CNTN1: variants seen among roughly 807,000 people sequenced by gnomAD.
The protein encoded by CNTN1 is contactin 1, also known as contactin-1.
CNTN1 carries 38 observed loss-of-function variants against 126.4 expected under a neutral mutation model. That is an observed-to-expected ratio of 0.30 (90% CI 0.23 to 0.39). CNTN1 has a LOEUF of 0.39. Ranked by LOEUF, CNTN1 falls within the 10% of genes least tolerant of loss-of-function variation. The pLI is 1.00. For synonymous variants in CNTN1, 413 were observed against 422.6 expected (o/e 0.98, Z 0.28); for missense variants, 1,009 against 1,248.4 (o/e 0.81, Z 2.89).
At chr12:40,853,942 A>C (rs1217273933) in intron 1 of CNTN1, among the ~76,000 whole-genome samples, 3 of 150,926 alleles carry the variant, frequency 2.0e-5, no homozygotes, top group African/African-American at 7.3e-5. Flanking sequence ...CCTGCCTCGG[A>C]ATGAAGCTTC....
chr12:40,919,324 G>A (rs772700489), intron 4 of CNTN1, among the ~76,000 whole-genome samples: 2 of 151,956 alleles, frequency 1.3e-5, no homozygotes, highest in African/African-American at 2.4e-5. Flanking sequence ...ATTTTTCTGG[G>A]TTACATATGT....
At chr12:40,753,011 G>GT (rs1343868828) in intron 1 of CNTN1, among the ~76,000 whole-genome samples, 1 of 152,138 alleles carries the variant, frequency 6.6e-6, no homozygotes, top group African/African-American at 2.4e-5. Flanking sequence ...GCCTTTGGTG[G>GT]TTTTCATAAT....
At chr12:40,731,123 G>A (rs1942489387) in intron 1 of CNTN1, among the ~76,000 whole-genome samples, 1 of 151,804 alleles carries the variant, frequency 6.6e-6, no homozygotes, top group Admixed American at 6.6e-5. Context: ...GATAAAAATG[G>A]GAAATGCCAT....
chr12:40,920,896 C>T (rs1455140993), intron 4 of CNTN1, among the ~76,000 whole-genome samples: 1 of 152,146 alleles, frequency 6.6e-6, no homozygotes, highest in East Asian at 1.9e-4. Context: ...TATGATGTCA[C>T]AAGCACAATC....
intron 23 of CNTN1, among the ~76,000 whole-genome samples, chr12:41,058,398 C>G (rs1949870979): frequency 1.3e-5 from 2 of 151,976 alleles, no homozygotes; most frequent in African/African-American, 4.8e-5. Context: ...ATAAAAGAAG[C>G]CTGGCAATAC....
intron 1 of CNTN1, among the ~76,000 whole-genome samples, chr12:40,825,053 C>T (rs144808408): frequency 1.3e-5 from 2 of 152,110 alleles, no homozygotes; most frequent in Non-Finnish European, 2.9e-5. Flanking sequence ...TTGGAGGCAA[C>T]AACTGACTGA....
At chr12:40,942,414 G>T (rs1946292099) in intron 12 of CNTN1, among the ~76,000 whole-genome samples, 1 of 152,082 alleles carries the variant, frequency 6.6e-6, no homozygotes, top group Admixed American at 6.6e-5. Context: ...AAATGACTTG[G>T]ACTGCACTGC....
intron 14 of CNTN1, among the ~76,000 whole-genome samples, chr12:40,947,828 C>T (rs9919773): frequency 0.68 from 96,469 of 142,574 alleles, 33,263 homozygotes; most frequent in African/African-American, 0.78. Flanking sequence ...CACACACACA[C>T]ATATGTATTA....
intron 23 of CNTN1, among the ~76,000 whole-genome samples, chr12:41,045,414 G>GAC (rs1233029323): frequency 1.3e-5 from 2 of 152,074 alleles, no homozygotes; most frequent in Non-Finnish European, 2.9e-5. Flanking sequence ...CTCTCCTGAG[G>GAC]TTTGACACTT....
chr12:40,871,523 C>G (rs1031519671), intron 1 of CNTN1, among the ~76,000 whole-genome samples: 42 of 152,178 alleles, frequency 2.8e-4, no homozygotes, highest in African/African-American at 9.9e-4. Context: ...AAACATCTTG[C>G]TAATAGATTG....
At chr12:41,007,049 T>C (rs1431046089) in intron 17 of CNTN1, among the ~76,000 whole-genome samples, 5 of 58,540 alleles carry the variant, frequency 8.5e-5, no homozygotes, top group African/African-American at 5.9e-4. Context: ...TGTGTGGTTT[T>C]TTTTTTTTTT....
At chr12:40,706,079 C>A (rs2121135978) in intron 1 of CNTN1, among the ~76,000 whole-genome samples, 1 of 147,350 alleles carries the variant, frequency 6.8e-6, no homozygotes, top group South Asian at 2.2e-4. Flanking sequence ...GAGATCCAAA[C>A]TATATCATTT....
rs533743230 is a variant in CNTN1 at position 40,941,835 on chromosome 12, G to A, written c.1380-1762G>A. 9.9e-5 allele frequency among the ~76,000 whole-genome samples: 15 copies of A among 151,992 alleles called. No individual in the cohort carries two copies. The East Asian group carries it at 2.7e-3, about 27-fold the overall frequency. On this transcript the variant is annotated intron_variant, in intron 12 of 23. Transcript: ENST00000551295. ...TCTATATCATAGTATCTGGAAATAAGGATAAGATCTTGAGAGTTTAGTCTA... is the reference window on the plus strand; with the variant it reads ...TCTATATCATAGTATCTGGAAATAAAGATAAGATCTTGAGAGTTTAGTCTA...
rs191355189 is a variant in CNTN1 at position 40,840,768 on chromosome 12, C to T, written c.-76-67589C>T. ...AATTAAGATGAAAATAAAAAGGTTT[C>T]GAAACAAATGAAAATAAAGACAGAG... is the stretch of plus-strand genomic sequence containing the variant. On this transcript the variant is annotated intron_variant, in intron 1 of 23. Coordinates refer to ENST00000551295, the MANE Select transcript of CNTN1 (RefSeq NM_001843.4). Among the ~76,000 whole-genome samples the T allele has an allele frequency of 2.4e-4, 37 of 151,444 alleles. 1 individual carries two copies. The highest frequency in any genetic ancestry group is 1.7e-3 in the East Asian group (9 of 5,156).
chr12:40,856,859 G>A (rs1401425601), intron 1 of CNTN1, among the ~76,000 whole-genome samples: 1 of 152,036 alleles, frequency 6.6e-6, no homozygotes, highest in East Asian at 1.9e-4. Context: ...AACCCCTGCA[G>A]ATCAAAGCAA....
At chr12:41,024,570 C>T (rs191784311) in intron 20 of CNTN1, among the ~76,000 whole-genome samples, 154 of 152,064 alleles carry the variant, frequency 1.0e-3, no homozygotes, top group Non-Finnish European at 1.1e-3. Flanking sequence ...TACAGTTTAT[C>T]CAGTTATTAG....
chr12:40,858,990 G>C (rs536295158), intron 1 of CNTN1, among the ~76,000 whole-genome samples: 48 of 152,118 alleles, frequency 3.2e-4, no homozygotes, highest in African/African-American at 1.0e-3. Context: ...GGTGGGGTTG[G>C]GGGAGGGAGA....
intron 1 of CNTN1, among the ~76,000 whole-genome samples, chr12:40,902,239 ACT>A (rs1320954679): frequency 1.3e-5 from 2 of 152,108 alleles, no homozygotes; most frequent in Non-Finnish European, 2.9e-5. Context: ...TCACAATAAC[ACT>A]CTTAGTAGGA....
At chr12:40,748,530 A>G (rs1938272737) in intron 1 of CNTN1, among the ~76,000 whole-genome samples, 1 of 152,148 alleles carries the variant, frequency 6.6e-6, no homozygotes, top group Admixed American at 6.6e-5. Flanking sequence ...TTCTCAGAAT[A>G]TTTATTTCCT....
Sources: gnomAD v4.1 joint callset for allele counts (sites outside exome capture counted in the v4.1 genomes callset) on GRCh38, gnomAD v4.1.1 for gene constraint, MANE v1.5 for transcripts, NCBI Gene and HGNC (gene_info 2026-07-23, HGNC 2026-07-21) for gene names.